ATRNL1: variants seen among roughly 807,000 people sequenced by gnomAD.
ATRNL1 encodes the protein attractin like 1.
ATRNL1 carries 95 observed loss-of-function variants against 182.7 expected under a neutral mutation model. The ratio of observed to expected loss-of-function variants is 0.52; its 90% CI spans 0.44 to 0.62. The LOEUF is 0.62. Ranked by LOEUF, ATRNL1 falls within the 20% of genes least tolerant of loss-of-function variation. The pLI is 0.00. For missense variants in ATRNL1, 1,471 were observed against 1,679.5 expected, an observed-to-expected ratio of 0.88 and a Z score of 2.17; for synonymous variants, 576 against 568.3, an observed-to-expected ratio of 1.01 and a Z score of -0.19.
intron 24 of ATRNL1, among the ~76,000 whole-genome samples, chr10:115,484,482 C>A (rs1848923211): frequency 6.6e-6 from 1 of 151,552 alleles, no homozygotes; most frequent in African/African-American, 2.4e-5. Flanking sequence ...TTACAGTCTT[C>A]ATACTTTTAT....
intron 19 of ATRNL1, among the ~76,000 whole-genome samples, chr10:115,373,378 G>T (rs1564970000): frequency 6.6e-6 from 1 of 151,896 alleles, no homozygotes; most frequent in African/African-American, 2.4e-5. Flanking sequence ...AATTTTTGTG[G>T]CTAGGACTTC....
intron 25 of ATRNL1, among the ~76,000 whole-genome samples, chr10:115,524,033 G>A (rs1319762662): frequency 1.3e-5 from 2 of 152,170 alleles, no homozygotes; most frequent in Non-Finnish European, 2.9e-5. Flanking sequence ...TCCATTCATG[G>A]TGGAAGAGGA....
chr10:115,106,150 A>G (rs1162994227), intron 1 of ATRNL1, among the ~76,000 whole-genome samples: 2 of 152,198 alleles, frequency 1.3e-5, no homozygotes, highest in East Asian at 1.9e-4. Flanking sequence ...TTGCATCAGC[A>G]TGACCTAGAT....
chr10:115,369,805 T>C (rs1391826653), intron 19 of ATRNL1, among the ~76,000 whole-genome samples: 1 of 152,228 alleles, frequency 6.6e-6, no homozygotes, highest in East Asian at 1.9e-4. Context: ...ATGGTTTTAA[T>C]TTGCTATTCC....
intron 26 of ATRNL1, among the ~76,000 whole-genome samples, chr10:115,600,248 AT>A (rs1828245957): frequency 6.6e-6 from 1 of 152,190 alleles, no homozygotes; most frequent in Admixed American, 6.5e-5. Flanking sequence ...ATTTAAAAAA[AT>A]TTAACTTGAG....
intron 26 of ATRNL1, among the ~76,000 whole-genome samples, chr10:115,570,943 A>T (rs1246078383): frequency 3.9e-5 from 6 of 152,176 alleles, no homozygotes; most frequent in African/African-American, 1.4e-4. Flanking sequence ...CAACCCAAGC[A>T]TAGGGTTTAT....
chr10:115,310,443 G>C (rs997706509), intron 17 of ATRNL1, among the ~76,000 whole-genome samples: 1 of 151,866 alleles, frequency 6.6e-6, no homozygotes, highest in South Asian at 2.1e-4. Context: ...AGTATAATTC[G>C]GCTGTGAATC....
intron 27 of ATRNL1, among the ~76,000 whole-genome samples, chr10:115,808,224 A>G (rs2960689): frequency 0.18 from 26,957 of 152,124 alleles, 2,505 homozygotes; most frequent in Non-Finnish European, 0.2. Flanking sequence ...GAAAGACATT[A>G]TTCGAAAGAT....
chr10:115,170,807 T>C (rs1163632847), intron 7 of ATRNL1, among the ~76,000 whole-genome samples: 3 of 152,044 alleles, frequency 2.0e-5, no homozygotes, highest in Non-Finnish European at 4.4e-5. Context: ...TTAAAAAATA[T>C]ATTTAAAGTA....
intron 27 of ATRNL1, among the ~76,000 whole-genome samples, chr10:115,792,055 A>T (rs1327400005): frequency 1.3e-5 from 2 of 152,136 alleles, no homozygotes; most frequent in Non-Finnish European, 2.9e-5. Flanking sequence ...ATTTAGATTT[A>T]TTCCAAAGAT....
intron 24 of ATRNL1, among the ~76,000 whole-genome samples, chr10:115,501,090 G>C (rs1849811877): frequency 6.6e-6 from 1 of 151,688 alleles, no homozygotes; most frequent in Non-Finnish European, 1.5e-5. Flanking sequence ...CCACCACCAT[G>C]CCTGGCTTAT....
chr10:115,744,564 A>T (rs1555068645), intron 27 of ATRNL1, among the ~76,000 whole-genome samples: 1 of 152,136 alleles, frequency 6.6e-6, no homozygotes. Context: ...CTTTTAATTC[A>T]TCTAAGTAAG....
intron 27 of ATRNL1, among the ~76,000 whole-genome samples, chr10:115,745,147 C>G (rs782456086): frequency 6.6e-6 from 1 of 150,890 alleles, no homozygotes; most frequent in South Asian, 2.1e-4. Flanking sequence ...TTTTTTGTGA[C>G]CGAGTCTCAC....
intron 27 of ATRNL1, among the ~76,000 whole-genome samples, chr10:115,800,149 A>G (rs1303235196): frequency 6.6e-6 from 1 of 151,694 alleles, no homozygotes; most frequent in Non-Finnish European, 1.5e-5. Context: ...GAACCCCACG[A>G]GATGGAGGTT....
intron 1 of ATRNL1, 59 bp from the exon 2 acceptor site, chr10:115,120,126 C>T (rs1658449332): frequency 3.0e-6 from 3 of 995,200 alleles, no homozygotes; most frequent in Admixed American, 4.1e-5. Flanking sequence ...TCTTATCCTG[C>T]TATATGTCTT....
intron 9 of ATRNL1, among the ~76,000 whole-genome samples, chr10:115,233,565 T>C (rs1282918857): frequency 1.3e-5 from 2 of 152,260 alleles, no homozygotes; most frequent in East Asian, 3.9e-4. Flanking sequence ...CATTGTTGAA[T>C]AGAAGTGTGA....
chr10:115,865,754 A>G lies in ATRNL1; in HGVS notation c.4018+17763A>G, dbSNP rs374855673. 2.4e-4 allele frequency among the ~76,000 whole-genome samples: 37 copies of G among 152,236 alleles called. No individual in the cohort carries two copies. The East Asian group carries it at 4.1e-3, about 17-fold the overall frequency. On this transcript the variant is annotated intron_variant, in intron 28 of 28. Transcript: ENST00000355044. ...CAGGTCTGTGTGACGCCGTATGCTG[A>G]GTTTCCCTGCTGAGGTATCTGAGGC...
chr10:115,456,386 A>G (rs994654646), intron 21 of ATRNL1, among the ~76,000 whole-genome samples: 1 of 152,194 alleles, frequency 6.6e-6, no homozygotes, highest in Admixed American at 6.6e-5. Context: ...ACACAAGAAC[A>G]GAAAACCAAA....
intron 20 of ATRNL1, among the ~76,000 whole-genome samples, chr10:115,402,444 A>G (rs1365784773): frequency 1.3e-5 from 2 of 152,096 alleles, no homozygotes; most frequent in African/African-American, 4.8e-5. Flanking sequence ...ATTTATCCCC[A>G]CTCACAACCA....
Sources: gnomAD v4.1 joint callset for allele counts (sites outside exome capture counted in the v4.1 genomes callset) on GRCh38, gnomAD v4.1.1 for gene constraint, MANE v1.5 for transcripts, NCBI Gene and HGNC (gene_info 2026-07-23, HGNC 2026-07-21) for gene names.